BTBD16: variants seen among roughly 807,000 people sequenced by gnomAD.
The protein encoded by BTBD16 is BTB domain containing 16.
In BTBD16, 66 loss-of-function variants were observed where a neutral mutation model predicts 67.4. The observed-to-expected ratio is 0.98, with a 90% CI of 0.80 to 1.20. The LOEUF (loss-of-function observed/expected upper bound fraction) is 1.20, where lower values mean the gene tolerates loss of function less well. Among genes scored for constraint, BTBD16 ranks in the 50% most tolerant of loss-of-function variants. BTBD16 has a pLI of 0.00. For synonymous variants in BTBD16, 242 were observed against 236.4 expected, an observed-to-expected ratio of 1.02 and a Z score of -0.22; for missense variants, 634 against 616.0, an observed-to-expected ratio of 1.03 and a Z score of -0.31.
At chr10:122,290,782 G>T (rs1003640281) in intron 6 of BTBD16, among the ~76,000 whole-genome samples, 1 of 152,110 alleles carries the variant, frequency 6.6e-6, no homozygotes, top group Non-Finnish European at 1.5e-5. Flanking sequence ...ACATTCCTGC[G>T]CAGGCCACAG....
intron 10 of BTBD16, 42 bp from the exon 11 acceptor site, chr10:122,329,438 G>A: frequency 6.3e-7 from 1 of 1,592,726 alleles, no homozygotes; most frequent in Non-Finnish European, 8.6e-7. Context: ...CCAGAGAGGA[G>A]TTTGCTGAAG....
Position 122,276,795 on chromosome 10 carries a change from A to G in BTBD16, c.23A>G (p.Lys8Arg), listed in dbSNP as rs2142042592. The change falls in exon 3 of 16, where the codon AAA (lysine) becomes AGA (arginine). Residue 8 changes from lysine (K) to arginine (R), a missense_variant. Transcript: ENST00000260723. Reference protein sequence around the residue: MIMSNTHKARLERRVTGS... With the variant: MIMSNTHRARLERRVTGS... Reference sequence around the variant, plus strand: ...CTTTCTTTGATTACCAAGCAGCACAAAGCTCGGCTGGAACGCCGGGTCACT... The same window carrying G: ...CTTTCTTTGATTACCAAGCAGCACAGAGCTCGGCTGGAACGCCGGGTCACT... 2 of 1,613,978 alleles carry G rather than the reference A, an allele frequency of 1.2e-6. No individual in the cohort carries two copies. Among genetic ancestry groups the G allele is most frequent in the African/African-American group, 1.3e-5 (1 of 75,064 alleles).
chr10:122,318,295 A>G (rs1023412740), intron 10 of BTBD16, among the ~76,000 whole-genome samples: 4 of 152,162 alleles, frequency 2.6e-5, no homozygotes, highest in Non-Finnish European at 5.9e-5. Flanking sequence ...TCAGAGATTC[A>G]CCCATGTTGT....
At chr10:122,283,709 A>C (rs1487089632) in intron 3 of BTBD16, 142 bp from the exon 4 acceptor site, 1 of 654,058 alleles carries the variant, frequency 1.5e-6, no homozygotes, top group African/African-American at 1.8e-5. Flanking sequence ...TGGTGACCTG[A>C]GGAAACTCTT....
intron 9 of BTBD16, chr10:122,303,706 C>A: frequency 1.1e-6 from 1 of 870,210 alleles, no homozygotes; most frequent in Non-Finnish European, 1.4e-6. Context: ...CCCTAAAGAA[C>A]AATTACCATT....
At chr10:122,336,386 C>T in intron 14 of BTBD16, 108 bp from the exon 15 acceptor site, 11 of 974,356 alleles carry the variant, frequency 1.1e-5, no homozygotes, top group Non-Finnish European at 1.6e-5. Flanking sequence ...TGCCCTCTTG[C>T]TGCCTGCACA....
chr10:122,275,384 T>C (rs919475710), intron 2 of BTBD16, among the ~76,000 whole-genome samples: 1 of 152,212 alleles, frequency 6.6e-6, no homozygotes, highest in African/African-American at 2.4e-5. Flanking sequence ...TTCTAGGCAC[T>C]ATACTAAGGC....
chr10:122,311,152 T>C (rs1403562214), intron 10 of BTBD16, among the ~76,000 whole-genome samples: 3 of 152,220 alleles, frequency 2.0e-5, no homozygotes, highest in Non-Finnish European at 4.4e-5. Context: ...TCAACAAATA[T>C]TTTTTGAACA....
intron 3 of BTBD16, among the ~76,000 whole-genome samples, chr10:122,279,535 C>CACACACACATACACAT (rs1554886557): frequency 6.6e-6 from 1 of 151,790 alleles, no homozygotes; most frequent in Non-Finnish European, 1.5e-5. Context: ...CACACACACA[C>CACACACACATACACAT]ACACACACAC....
intron 1 of BTBD16, among the ~76,000 whole-genome samples, chr10:122,273,232 ATAT>A (rs2096333044): frequency 1.3e-5 from 2 of 148,678 alleles, no homozygotes. Flanking sequence ...ATATATATAT[ATAT>A]ATATATATAT....
chr10:122,317,655 AC>A (rs1397406516), intron 10 of BTBD16, among the ~76,000 whole-genome samples: 2 of 115,298 alleles, frequency 1.7e-5, no homozygotes, highest in Non-Finnish European at 1.8e-5. Flanking sequence ...TCAAAAAAAC[AC>A]AAAAAAACAA....
At chr10:122,329,388 C>T in intron 10 of BTBD16, 92 bp from the exon 11 acceptor site, 1 of 1,242,512 alleles carries the variant, frequency 8.0e-7, no homozygotes, top group Non-Finnish European at 1.2e-6. Flanking sequence ...AGTGAAGCCA[C>T]TAGTCTCTAC....
At chr10:122,294,956 G>A (rs926186577) in intron 7 of BTBD16, among the ~76,000 whole-genome samples, 2 of 152,262 alleles carry the variant, frequency 1.3e-5, no homozygotes, top group African/African-American at 4.8e-5. Flanking sequence ...GACCCGATGA[G>A]GGTGGGGCCC....
At chr10:122,325,590 G>A (rs1465740534) in intron 10 of BTBD16, among the ~76,000 whole-genome samples, 2 of 152,150 alleles carry the variant, frequency 1.3e-5, no homozygotes, top group Non-Finnish European at 2.9e-5. Context: ...TGATGTGGGG[G>A]TGGCAGCAGG....
intron 7 of BTBD16, among the ~76,000 whole-genome samples, chr10:122,292,532 G>A (rs1183534130): frequency 1.3e-5 from 2 of 152,252 alleles, no homozygotes; most frequent in Non-Finnish European, 2.9e-5. Flanking sequence ...CTTGGGTGAG[G>A]TGGTAATGTT....
At chr10:122,299,938 C>A (rs146249372) in intron 9 of BTBD16, among the ~76,000 whole-genome samples, 1 of 152,098 alleles carries the variant, frequency 6.6e-6, no homozygotes, top group Admixed American at 6.5e-5. Context: ...GCCACGGGGC[C>A]CCCCCTGAAA....
intron 1 of BTBD16, among the ~76,000 whole-genome samples, chr10:122,273,590 A>G (rs992449507): frequency 6.6e-6 from 1 of 152,054 alleles, no homozygotes; most frequent in South Asian, 2.1e-4. Context: ...CTCTAGAAAA[A>G]TTAAAAAATT....
intron 8 of BTBD16, 109 bp from the exon 9 acceptor site, chr10:122,298,895 G>C: frequency 7.1e-7 from 1 of 1,407,008 alleles, no homozygotes; most frequent in South Asian, 1.4e-5. Flanking sequence ...AGGTTTGAGC[G>C]CCTCTGCAGT....
chr10:122,317,470 A>AC (rs1378032687), intron 10 of BTBD16, among the ~76,000 whole-genome samples: 1 of 151,918 alleles, frequency 6.6e-6, no homozygotes, highest in Non-Finnish European at 1.5e-5. Flanking sequence ...ACACGGTGAA[A>AC]CCCTGTCTCT....
Sources: allele counts gnomAD v4.1 joint callset (sites outside exome capture counted in the v4.1 genomes callset), GRCh38; gene constraint gnomAD v4.1.1; transcripts MANE v1.5; gene names NCBI Gene and HGNC (gene_info 2026-07-23, HGNC 2026-07-21).